The following PSIP1 variants were observed in gnomAD, a reference collection of about 807,000 sequenced individuals.
PSIP1 encodes the protein PC4 and SFRS1-interacting protein.
PSIP1 carries 19 observed loss-of-function variants against 74.7 expected under a neutral mutation model. That is an observed-to-expected ratio of 0.25 (90% CI 0.18 to 0.37). PSIP1 has a LOEUF of 0.37. Among genes scored for constraint, PSIP1 ranks in the 10% least tolerant of loss-of-function variants. PSIP1 has a pLI of 1.00. For missense variants in PSIP1, 601 were observed against 614.3 expected, an observed-to-expected ratio of 0.98 and a Z score of 0.23; for synonymous variants, 222 against 195.3, an observed-to-expected ratio of 1.14 and a Z score of -1.14.
intron 2 of PSIP1, among the ~76,000 whole-genome samples, chr9:15,506,996 T>G (rs1169707610): frequency 6.6e-6 from 1 of 152,256 alleles, no homozygotes; most frequent in South Asian, 2.1e-4. Flanking sequence ...CCCAGAATTC[T>G]GAATTGTTAA....
chr9:15,465,494 GTT>G lies in PSIP1; in HGVS notation c.*24_*25del, dbSNP rs1563861567. ...GAAAACCATTACAAACTTCTCAAGT[GTT>G]CTCTATATTCCAGGTATGTCAACCT... On this transcript the variant is annotated 3_prime_UTR_variant, in exon 16 of 16. Transcript: ENST00000380733. 1 of 1,497,416 alleles carries G rather than the reference GTT, an allele frequency of 6.7e-7. No homozygotes were observed. The highest frequency in any genetic ancestry group is 9.1e-7 in the Non-Finnish European group (1 of 1,093,008). 92.8% of individuals were successfully genotyped at this position (1,497,416 alleles called of 1,614,324 possible).
chr9:15,481,547 T>C (rs2036336675), intron 6 of PSIP1, among the ~76,000 whole-genome samples: 1 of 151,698 alleles, frequency 6.6e-6, no homozygotes, highest in African/African-American at 2.4e-5. Context: ...AATACAAAAA[T>C]AAGTCAGGCA....
At position 15,466,852 on chromosome 9, in the gene PSIP1, C is replaced by T. The variant is rs756011388; in HGVS notation, c.1428G>A (p.Lys476=). The T allele has an allele frequency of 6.8e-6, 11 of 1,609,934 alleles. No individual in the cohort carries two copies. Among genetic ancestry groups the T allele is most frequent in the Non-Finnish European group, 3.4e-6 (4 of 1,178,646 alleles). ...KKLEKEQTGS[K]TLNGGSDAQD... is the part of the protein sequence containing the mutation. Reference sequence around the variant, plus strand: ...GAGCATCAGATCCTCCATTTAGAGTCTTTGACCCTTGCGAAGGAATCCAAT... The same window carrying T: ...GAGCATCAGATCCTCCATTTAGAGTTTTTGACCCTTGCGAAGGAATCCAAT... Residue 476 remains lysine, a synonymous_variant, in exon 15 of 16, where the codon AAG becomes AAA. Transcript: ENST00000380733.
chr9:15,472,803 C>A, intron 9 of PSIP1, 53 bp from the exon 10 acceptor site: 1 of 1,460,678 alleles, frequency 6.8e-7, no homozygotes, highest in South Asian at 1.3e-5. Context: ...GTGACTAGTG[C>A]TTATGGAATT....
intron 2 of PSIP1, among the ~76,000 whole-genome samples, chr9:15,509,617 T>A (rs572886580): frequency 6.6e-6 from 1 of 152,366 alleles, no homozygotes; most frequent in African/African-American, 2.4e-5. Flanking sequence ...TGAATCTGTA[T>A]TAAACAAGCA....
intron 3 of PSIP1, among the ~76,000 whole-genome samples, chr9:15,495,822 G>A (rs998769310): frequency 4.6e-5 from 7 of 152,078 alleles, no homozygotes; most frequent in African/African-American, 1.7e-4. Context: ...TGATAAGCTT[G>A]CCTTCACTAA....
At chr9:15,506,683 C>T in intron 2 of PSIP1, 46 bp from the exon 3 acceptor site, 1 of 1,379,860 alleles carries the variant, frequency 7.2e-7, no homozygotes, top group Non-Finnish European at 1.0e-6. Context: ...ATCATACACA[C>T]CTCAACATTT....
intron 2 of PSIP1, 83 bp downstream of exon 2, chr9:15,510,034 G>T: frequency 7.2e-7 from 1 of 1,392,772 alleles, no homozygotes; most frequent in South Asian, 1.3e-5. Context: ...AAGGACAGAA[G>T]AAAAAATAAA....
chr9:15,474,635 C>G (rs1440629423), intron 8 of PSIP1, among the ~76,000 whole-genome samples: 1 of 152,142 alleles, frequency 6.6e-6, no homozygotes, highest in African/African-American at 2.4e-5. Context: ...TCAGACAGTG[C>G]TGTGCTGACT....
intron 3 of PSIP1, chr9:15,506,234 G>C (rs987114725): frequency 1.1e-5 from 2 of 184,478 alleles, no homozygotes; most frequent in African/African-American, 2.4e-5. Context: ...GTACCAACTA[G>C]TCCTTATAAA....
chr9:15,465,647 T>A, intron 15 of PSIP1, 67 bp from the exon 16 acceptor site: 1 of 1,289,992 alleles, frequency 7.8e-7, no homozygotes, highest in Non-Finnish European at 1.1e-6. Flanking sequence ...AAAAAGACAT[T>A]AAGTCTGCAT....
intron 3 of PSIP1, among the ~76,000 whole-genome samples, chr9:15,495,790 C>T (rs1398196474): frequency 6.6e-6 from 1 of 152,208 alleles, no homozygotes; most frequent in Non-Finnish European, 1.5e-5. Context: ...TTTTCCATTA[C>T]AACTACCTTT....
chr9:15,510,051 C>A, intron 2 of PSIP1, 66 bp downstream of exon 2: 1 of 1,436,540 alleles, frequency 7.0e-7, no homozygotes, highest in South Asian at 1.2e-5. Context: ...TAAAGAGACA[C>A]GGTGGGCAGC....
At chr9:15,491,457 G>GTAC (rs2036828758) in intron 3 of PSIP1, among the ~76,000 whole-genome samples, 1 of 152,178 alleles carries the variant, frequency 6.6e-6, no homozygotes, top group Admixed American at 6.5e-5. Context: ...TGTACAACAA[G>GTAC]TACTACTGAT....
rs2035863760 is a variant in PSIP1 at position 15,472,143 on chromosome 9, TA to T, written c.977+488del. 5.1e-6 allele frequency: 5 copies of T among 984,400 alleles called. No homozygotes were observed. In the African/African-American group the frequency reaches 8.7e-5, roughly 17 times the overall value. 61.0% of individuals were successfully genotyped at this position (984,400 alleles called of 1,614,324 possible). ...GAATTTGATTTATATTGCACATACATAATAATGTACACCCTGTCAGCCTTTA... is the reference window on the plus strand; with the variant it reads ...GAATTTGATTTATATTGCACATACATATAATGTACACCCTGTCAGCCTTTA... On this transcript the variant is annotated intron_variant, in intron 10 of 15. Transcript: ENST00000380733.
At chr9:15,504,603 G>A (rs2037499062) in intron 3 of PSIP1, among the ~76,000 whole-genome samples, 1 of 152,088 alleles carries the variant, frequency 6.6e-6, no homozygotes, top group African/African-American at 2.4e-5. Context: ...CTGGCGTGGT[G>A]GCAGGCACCT....
At chr9:15,473,302 T>C (rs1231740860) in intron 9 of PSIP1, among the ~76,000 whole-genome samples, 1 of 152,190 alleles carries the variant, frequency 6.6e-6, no homozygotes, top group East Asian at 1.9e-4. Flanking sequence ...TAAGAACTTC[T>C]TGGGGGTAAA....
intron 2 of PSIP1, among the ~76,000 whole-genome samples, chr9:15,508,756 G>C (rs556387754): frequency 6.6e-6 from 1 of 152,208 alleles, no homozygotes; most frequent in East Asian, 1.9e-4. Flanking sequence ...TATATACTAC[G>C]GACTATGGAG....
intron 3 of PSIP1, among the ~76,000 whole-genome samples, chr9:15,501,864 T>TATATAA (rs1338605750): frequency 6.8e-6 from 1 of 146,448 alleles, no homozygotes; most frequent in African/African-American, 2.6e-5. Flanking sequence ...TATATATATA[T>TATATAA]ATAAAACGCA....
Sources: gnomAD v4.1 joint callset for allele counts (sites outside exome capture counted in the v4.1 genomes callset) on GRCh38, gnomAD v4.1.1 for gene constraint, MANE v1.5 for transcripts, NCBI Gene and HGNC (gene_info 2026-07-23, HGNC 2026-07-21) for gene names.